The following TMEM132B variants were observed in gnomAD, a reference collection of about 807,000 sequenced individuals.
TMEM132B encodes the protein transmembrane protein 132B.
In TMEM132B, 18 loss-of-function variants were observed where a neutral mutation model predicts 90.8. The ratio of observed to expected loss-of-function variants is 0.20; its 90% confidence interval spans 0.14 to 0.29. TMEM132B has a LOEUF of 0.29. Among genes scored for constraint, TMEM132B ranks in the 10% least tolerant of loss-of-function variants. The pLI is 1.00. For missense variants in TMEM132B, 1,096 were observed against 1,326.8 expected, an observed-to-expected ratio of 0.83 and a Z score of 2.70; for synonymous variants, 504 against 523.3, an observed-to-expected ratio of 0.96 and a Z score of 0.50.
At position 125,447,749 on chromosome 12, in the gene TMEM132B, A is replaced by G. The variant is rs147767070; in HGVS notation, c.1106+32072A>G. 2.6e-3 allele frequency among the ~76,000 whole-genome samples: 400 copies of G among 152,252 alleles called. 2 individuals carry two copies. Among genetic ancestry groups the G allele is most frequent in the Middle Eastern group, 0.01 (3 of 294 alleles). On this transcript the variant is annotated intron_variant, in intron 3 of 8. Transcript: ENST00000682704. ...TGACTTTATTTCATTTTTATTCTGG[A>G]ATAATATTTTCCCTGGCAGTAGAAA...
At chr12:125,461,606 A>G (rs538063727) in intron 3 of TMEM132B, among the ~76,000 whole-genome samples, 2 of 152,368 alleles carry the variant, frequency 1.3e-5, no homozygotes, top group African/African-American at 4.8e-5. Flanking sequence ...GAATGTTGAC[A>G]CTTTAGAAAC....
chr12:125,429,531 T>A lies in TMEM132B; in HGVS notation c.1106+13854T>A, dbSNP rs144727761. On this transcript the variant is annotated intron_variant, in intron 3 of 8. Transcript: ENST00000682704. ...CTAATGTCCTCTTTCTGTTCTAGGA[T>A]CCCACATGACATTTAGTCATCGTGT... Among the ~76,000 whole-genome samples the A allele has an allele frequency of 2.8e-4, 43 of 152,270 alleles. No homozygotes were observed. In the South Asian group the frequency reaches 3.1e-3, roughly 11 times the overall value.
intron 3 of TMEM132B, among the ~76,000 whole-genome samples, chr12:125,486,488 G>A (rs796743543): frequency 2.6e-4 from 39 of 152,268 alleles, no homozygotes; most frequent in African/African-American, 8.9e-4. Flanking sequence ...CAAGGTGGTT[G>A]GTCTTACACA....
chr12:125,610,769 A>T (rs564108136), intron 5 of TMEM132B, among the ~76,000 whole-genome samples: 1 of 152,104 alleles, frequency 6.6e-6, no homozygotes, highest in South Asian at 2.1e-4. Flanking sequence ...ATGAAGCTAT[A>T]TATAGTTGGA....
chr12:125,228,890 A>G (rs1386254530), intron 1 of TMEM132B, among the ~76,000 whole-genome samples: 1 of 152,196 alleles, frequency 6.6e-6, no homozygotes, highest in African/African-American at 2.4e-5. Context: ...GAGCCTGTGT[A>G]CTGGGGCTTC....
chr12:125,376,120 TCTC>T lies in TMEM132B; in HGVS notation c.959+25780_959+25782del, dbSNP rs985234249. On this transcript the variant is annotated intron_variant, in intron 2 of 8. Transcript: ENST00000682704. ...CTTGCACCCCCTAACCTCTTGCTAA[TCTC>T]CTTGTCTGATGGCTTGTTTTTGTTT... Among the ~76,000 whole-genome samples the T allele has an allele frequency of 1.3e-4, 20 of 152,226 alleles. 1 individual carries two copies. The highest frequency in any genetic ancestry group is 4.8e-4 in the African/African-American group (20 of 41,458).
rs114235641 is a variant in TMEM132B at position 125,474,743 on chromosome 12, A to G, written c.1107-44696A>G. 4.6e-3 allele frequency among the ~76,000 whole-genome samples: 700 copies of G among 152,298 alleles called. 7 individuals are homozygous for G. Among genetic ancestry groups the G allele is most frequent in the African/African-American group, 0.015 (626 of 41,566 alleles). On this transcript the variant is annotated intron_variant, in intron 3 of 8. Coordinates refer to ENST00000682704, the MANE Select transcript of TMEM132B (RefSeq NM_001366854.1). ...GACAAGCGCAGGATGGGCTTTAGGC[A>G]CAGCTGGATCCAGGGGGACCTGACC...
At chr12:125,517,610 G>A (rs956095021) in intron 3 of TMEM132B, among the ~76,000 whole-genome samples, 3 of 152,080 alleles carry the variant, frequency 2.0e-5, no homozygotes, top group African/African-American at 4.8e-5. Context: ...TTGCCCACGG[G>A]AGCCCCTAAA....
intron 2 of TMEM132B, among the ~76,000 whole-genome samples, chr12:125,377,185 G>A (rs1228589605): frequency 2.0e-5 from 3 of 152,218 alleles, no homozygotes; most frequent in African/African-American, 7.2e-5. Context: ...GGAACATGTG[G>A]TTACTGAGGG....
chr12:125,586,083 C>G (rs1455274242), intron 5 of TMEM132B: 1 of 152,198 alleles, frequency 6.6e-6, no homozygotes, highest in Non-Finnish European at 1.5e-5. Flanking sequence ...GGGACATCCT[C>G]AAATACATGG....
At chr12:125,293,075 A>G (rs1875583785) in intron 1 of TMEM132B, among the ~76,000 whole-genome samples, 1 of 152,146 alleles carries the variant, frequency 6.6e-6, no homozygotes, top group Non-Finnish European at 1.5e-5. Context: ...GCTCAGTGCT[A>G]TGGGGCTGGC....
At chr12:125,195,753 A>G (rs1872910285) in intron 1 of TMEM132B, among the ~76,000 whole-genome samples, 1 of 151,952 alleles carries the variant, frequency 6.6e-6, no homozygotes, top group Non-Finnish European at 1.5e-5. Context: ...ACAAAGACCT[A>G]AAGGGGTAAG....
At chr12:125,229,776 CATGAG>C (rs1873773815) in intron 1 of TMEM132B, among the ~76,000 whole-genome samples, 1 of 152,232 alleles carries the variant, frequency 6.6e-6, no homozygotes, top group Non-Finnish European at 1.5e-5. Context: ...AGGTTTTCCT[CATGAG>C]ATATCAGGAT....
chr12:125,366,079 T>G (rs1006552668), intron 2 of TMEM132B, among the ~76,000 whole-genome samples: 5 of 152,024 alleles, frequency 3.3e-5, no homozygotes, highest in African/African-American at 1.2e-4. Flanking sequence ...AGGCCCACTT[T>G]CTTTTTTTTT....
At chr12:125,212,680 G>A (rs924072062) in intron 1 of TMEM132B, among the ~76,000 whole-genome samples, 25 of 152,016 alleles carry the variant, frequency 1.6e-4, no homozygotes, top group African/African-American at 4.8e-4. Flanking sequence ...GGCGACAAGA[G>A]CGAAACTCCG....
At chr12:125,524,885 G>A (rs967797141) in intron 4 of TMEM132B, among the ~76,000 whole-genome samples, 4 of 152,192 alleles carry the variant, frequency 2.6e-5, no homozygotes, top group African/African-American at 9.7e-5. Context: ...AGAGGGTCTG[G>A]GAGCTCATGG....
intron 1 of TMEM132B, among the ~76,000 whole-genome samples, chr12:125,328,395 G>A (rs575795886): frequency 4.6e-5 from 7 of 152,290 alleles, no homozygotes; most frequent in African/African-American, 1.4e-4. Context: ...GCTATTCCAC[G>A]TGTCCTTCGG....
At chr12:125,206,072 G>A (rs1873175763) in intron 1 of TMEM132B, among the ~76,000 whole-genome samples, 1 of 152,158 alleles carries the variant, frequency 6.6e-6, no homozygotes, top group Admixed American at 6.5e-5. Context: ...GGGATAGAGG[G>A]TGGGACTGCC....
intron 3 of TMEM132B, among the ~76,000 whole-genome samples, chr12:125,474,276 C>A (rs575689180): frequency 7.1e-6 from 1 of 141,838 alleles, no homozygotes; most frequent in Non-Finnish European, 1.5e-5. Flanking sequence ...CCCTCCCTCC[C>A]CTCCCCTCCC....
Sources: gnomAD v4.1 joint callset for allele counts (sites outside exome capture counted in the v4.1 genomes callset) on GRCh38, gnomAD v4.1.1 for gene constraint, MANE v1.5 for transcripts, NCBI Gene and HGNC (gene_info 2026-07-23, HGNC 2026-07-21) for gene names.